Variants in GLIS3 observed in about 807,000 individuals in gnomAD.
The protein encoded by GLIS3 is zinc finger protein GLIS3.
GLIS3 carries 53 observed loss-of-function variants against 78.6 expected under a neutral mutation model. The ratio of observed to expected loss-of-function variants is 0.67; its 90% CI spans 0.54 to 0.85. The LOEUF (loss-of-function observed/expected upper bound fraction) is 0.85, where lower values mean the gene tolerates loss of function less well. Among genes scored for constraint, GLIS3 ranks in the 40% least tolerant of loss-of-function variants. The pLI is 0.00. For synonymous variants in GLIS3, 684 were observed against 509.9 expected, an observed-to-expected ratio of 1.34 and a Z score of -4.60; for missense variants, 1,703 against 1,231.1, an observed-to-expected ratio of 1.38 and a Z score of -5.74.
chr9:4,271,661 T>A (rs919872705), intron 2 of GLIS3, among the ~76,000 whole-genome samples: 7 of 152,112 alleles, frequency 4.6e-5, no homozygotes, highest in Non-Finnish European at 8.8e-5. Context: ...TATAATTAAA[T>A]CCCCTTTTAC....
intron 4 of GLIS3, among the ~76,000 whole-genome samples, chr9:4,078,934 A>G (rs1218204497): frequency 6.6e-6 from 1 of 152,176 alleles, no homozygotes; most frequent in African/African-American, 2.4e-5. Flanking sequence ...CAGAAAAATG[A>G]TTAAGCTACC....
chr9:4,307,426 A>G (rs562064917), intron 4 of GLIS3, among the ~76,000 whole-genome samples: 1 of 152,246 alleles, frequency 6.6e-6, no homozygotes, highest in Non-Finnish European at 1.5e-5. Flanking sequence ...CAAACCCTCC[A>G]GAGCCCCCAA....
intron 4 of GLIS3, among the ~76,000 whole-genome samples, chr9:4,070,292 A>C (rs1396311181): frequency 2.0e-5 from 3 of 152,172 alleles, no homozygotes; most frequent in African/African-American, 4.8e-5. Flanking sequence ...TTTAATGGAT[A>C]ATGACTTAGG....
chr9:4,037,802 A>G (rs570192983), intron 4 of GLIS3, among the ~76,000 whole-genome samples: 10 of 152,324 alleles, frequency 6.6e-5, no homozygotes, highest in Admixed American at 6.5e-4. Context: ...GTTGCTTATG[A>G]AATGTTCAAG....
At chr9:3,915,107 T>C (rs1824415464) in intron 6 of GLIS3, among the ~76,000 whole-genome samples, 4 of 152,140 alleles carry the variant, frequency 2.6e-5, no homozygotes, top group African/African-American at 9.7e-5. Flanking sequence ...CTTGGAGAAG[T>C]GCCTCAGGGT....
chr9:4,273,700 C>G (rs1207495818), intron 2 of GLIS3, among the ~76,000 whole-genome samples: 2 of 152,210 alleles, frequency 1.3e-5, no homozygotes, highest in African/African-American at 4.8e-5. Flanking sequence ...GTTCCACCAT[C>G]TTACGTGTGC....
At chr9:4,439,343 C>T in the GLIS3 span, among the ~76,000 whole-genome samples, 111 of 152,322 alleles carry the variant, frequency 7.3e-4, no homozygotes, top group Non-Finnish European at 1.2e-3. Flanking sequence ...GCCATCTCCA[C>T]GATCAATTTT....
At chr9:4,274,951 C>A (rs868339864) in intron 2 of GLIS3, among the ~76,000 whole-genome samples, 10 of 152,198 alleles carry the variant, frequency 6.6e-5, no homozygotes, top group African/African-American at 2.2e-4. Flanking sequence ...TTTATTATGT[C>A]AGATCCAATT....
At chr9:4,131,072 T>G (rs1737665237) in intron 2 of GLIS3, among the ~76,000 whole-genome samples, 1 of 152,222 alleles carries the variant, frequency 6.6e-6, no homozygotes, top group African/African-American at 2.4e-5. Flanking sequence ...TAGGGGGGGT[T>G]GGGGCTTGCA....
the GLIS3 span, among the ~76,000 whole-genome samples, chr9:4,407,331 G>A: frequency 1.3e-5 from 2 of 152,308 alleles, no homozygotes; most frequent in East Asian, 3.9e-4. Flanking sequence ...CCCTCAAACT[G>A]TGAAACTACT....
chr9:4,178,206 GGAGATCTTA>G (rs1211598749), intron 2 of GLIS3, among the ~76,000 whole-genome samples: 1 of 152,148 alleles, frequency 6.6e-6, no homozygotes, highest in South Asian at 2.1e-4. Context: ...ATTTACACAA[GGAGATCTTA>G]GAGTTGCTGA....
At chr9:4,296,854 C>T (rs1413204330) in intron 1 of GLIS3, among the ~76,000 whole-genome samples, 1 of 140,090 alleles carries the variant, frequency 7.1e-6, no homozygotes, top group East Asian at 2.2e-4. Context: ...TAAATGAAAA[C>T]TGCAGTACGG....
chr9:4,002,014 T>G lies in GLIS3; in HGVS notation c.1711-64825A>C, dbSNP rs1339856870. Reference sequence around the variant, plus strand: ...CTATGCCCAGACTCTGTGGATATGTTGCATTACATGGTAAAAAGTACGTGG... The same window carrying G: ...CTATGCCCAGACTCTGTGGATATGTGGCATTACATGGTAAAAAGTACGTGG... On this transcript the variant is annotated intron_variant, in intron 4 of 10. Coordinates refer to ENST00000381971, the MANE Select transcript of GLIS3 (RefSeq NM_001042413.2). Among the ~76,000 whole-genome samples, 3 of 152,316 alleles carry G rather than the reference T, an allele frequency of 2.0e-5. 1 individual carries two copies. Among genetic ancestry groups the G allele is most frequent in the Non-Finnish European group, 4.4e-5 (3 of 68,028 alleles).
chr9:4,279,753 C>G (rs1020435783), intron 2 of GLIS3, among the ~76,000 whole-genome samples: 1 of 151,880 alleles, frequency 6.6e-6, no homozygotes, highest in Non-Finnish European at 1.5e-5. Flanking sequence ...TTTTAAAATA[C>G]TGATACTAGT....
At position 3,852,862 on chromosome 9, in the gene GLIS3, G is replaced by T. The variant is rs536370392; in HGVS notation, c.2473+3147C>A. Among the ~76,000 whole-genome samples the T allele has an allele frequency of 3.9e-5, 6 of 152,236 alleles. No homozygotes were observed. In the South Asian group the frequency reaches 1.2e-3, roughly 32 times the overall value. The stretch of plus-strand genomic sequence containing the variant: ...ACTATATTTTAAACTTATTTTTAGG[G>T]CTGATATTAGCAGTTTCTCATTGGC... On this transcript the variant is annotated intron_variant, in intron 9 of 10. Coordinates refer to ENST00000381971, the MANE Select transcript of GLIS3 (RefSeq NM_001042413.2).
chr9:4,113,094 T>G (rs1299463532), intron 4 of GLIS3, among the ~76,000 whole-genome samples: 1 of 152,092 alleles, frequency 6.6e-6, no homozygotes, highest in African/African-American at 2.4e-5. Flanking sequence ...GTATTAATAC[T>G]ATATATACCC....
chr9:4,425,083 T>C, the GLIS3 span, among the ~76,000 whole-genome samples: 2 of 152,200 alleles, frequency 1.3e-5, no homozygotes, highest in Middle Eastern at 3.4e-3. Flanking sequence ...TCCTGGATCA[T>C]GAAGCAGCCC....
At chr9:3,883,527 A>T (rs1821874624) in intron 7 of GLIS3, among the ~76,000 whole-genome samples, 2 of 152,218 alleles carry the variant, frequency 1.3e-5, no homozygotes, top group Admixed American at 6.5e-5. Flanking sequence ...TTTCATACAC[A>T]TTCAAAATAA....
intron 4 of GLIS3, among the ~76,000 whole-genome samples, chr9:4,075,411 C>CAAAAAAAAAAAAAAA: frequency 8.5e-6 from 1 of 118,190 alleles, no homozygotes; most frequent in Non-Finnish European, 1.7e-5. Flanking sequence ...ACTAAAAATA[C>CAAAAAAAAAAAAAAA]AAAAAAAAAA....
Sources: gnomAD v4.1 joint callset for allele counts (sites outside exome capture counted in the v4.1 genomes callset) on GRCh38, gnomAD v4.1.1 for gene constraint, MANE v1.5 for transcripts, NCBI Gene and HGNC (gene_info 2026-07-23, HGNC 2026-07-21) for gene names.